The following ITIH5 variants were observed in gnomAD, a reference collection of about 807,000 sequenced individuals.
ITIH5 encodes the protein inter-alpha-trypsin inhibitor heavy chain 5.
In ITIH5, 65 loss-of-function variants were observed where a neutral mutation model predicts 77.5. The observed-to-expected ratio is 0.84, with a 90% CI of 0.69 to 1.03. ITIH5 has a LOEUF of 1.03. Ranked by LOEUF, ITIH5 falls within the 50% of genes least tolerant of loss-of-function variation. The pLI is 0.00. For missense variants in ITIH5, 1,208 were observed against 1,213.1 expected, an observed-to-expected ratio of 1.00 and a Z score of 0.06; for synonymous variants, 525 against 494.3, an observed-to-expected ratio of 1.06 and a Z score of -0.82.
chr10:7,581,122 T>G (rs987975937), intron 8 of ITIH5, among the ~76,000 whole-genome samples: 12 of 152,092 alleles, frequency 7.9e-5, no homozygotes. Flanking sequence ...TAGCCGGGCA[T>G]GGTGGTACAT....
chr10:7,607,932 G>T (rs10795559), intron 7 of ITIH5, among the ~76,000 whole-genome samples: 147,399 of 152,352 alleles, frequency 0.97, 71,436 homozygotes, highest in Middle Eastern at 1. Context: ...AGACTCTTCT[G>T]ATATTTCCTT....
At chr10:7,625,773 A>AAAAG (rs199961590) in intron 5 of ITIH5, among the ~76,000 whole-genome samples, 1,703 of 149,774 alleles carry the variant, frequency 0.011, 16 homozygotes, top group Middle Eastern at 0.049. Context: ...TCAAAAAAAA[A>AAAAG]AAAGAAAGAA....
At chr10:7,602,094 T>C (rs1833027416) in intron 7 of ITIH5, among the ~76,000 whole-genome samples, 1 of 152,122 alleles carries the variant, frequency 6.6e-6, no homozygotes. Flanking sequence ...CCTCAGGTGA[T>C]CCGCCTGCCT....
chr10:7,624,835 A>ATGTATATACAAATATATATG (rs1833541481), intron 5 of ITIH5, among the ~76,000 whole-genome samples: 2 of 129,564 alleles, frequency 1.5e-5, no homozygotes, highest in Non-Finnish European at 3.3e-5. Context: ...GTGTATATAC[A>ATGTATATACAAATATATATG]TGTATATACA....
intron 8 of ITIH5, among the ~76,000 whole-genome samples, chr10:7,582,668 A>G (rs1832589822): frequency 6.6e-6 from 1 of 152,240 alleles, no homozygotes; most frequent in South Asian, 2.1e-4. Context: ...AAAAAGAATG[A>G]GATCTTGTCA....
chr10:7,646,439 C>T (rs1197016179), intron 2 of ITIH5, among the ~76,000 whole-genome samples: 1 of 152,192 alleles, frequency 6.6e-6, no homozygotes, highest in Admixed American at 6.5e-5. Context: ...ATATACTGTA[C>T]TAATTTGCTT....
chr10:7,595,103 C>T (rs1479023377), intron 7 of ITIH5, among the ~76,000 whole-genome samples: 2 of 152,130 alleles, frequency 1.3e-5, no homozygotes, highest in African/African-American at 2.4e-5. Flanking sequence ...GCTGTGGTCC[C>T]AGCTATTCAG....
At chr10:7,602,219 A>C (rs1345486752) in intron 7 of ITIH5, among the ~76,000 whole-genome samples, 2 of 152,040 alleles carry the variant, frequency 1.3e-5, no homozygotes, top group Non-Finnish European at 2.9e-5. Context: ...AGTTTTATCC[A>C]TTCTTCAACT....
chr10:7,628,727 CCATGTTGCAG>C, intron 5 of ITIH5, among the ~76,000 whole-genome samples: 1 of 119,478 alleles, frequency 8.4e-6, no homozygotes, highest in Non-Finnish European at 1.7e-5. Context: ...TAGCGTGTGT[CCATGTTGCAG>C]CGTGTGTCCA....
intron 5 of ITIH5, 90 bp from the exon 6 acceptor site, chr10:7,617,372 T>C: frequency 1.2e-6 from 1 of 802,076 alleles, no homozygotes; most frequent in Non-Finnish European, 1.8e-6. Context: ...GAGTTTTAGA[T>C]TTCATTTTAT....
chr10:7,594,009 G>A (rs183054845), intron 7 of ITIH5, among the ~76,000 whole-genome samples: 2 of 152,348 alleles, frequency 1.3e-5, no homozygotes, highest in Admixed American at 6.5e-5. Context: ...GTGAGGGGCT[G>A]GAGCTGATCT....
At chr10:7,567,972 G>A (rs1376008866) in intron 12 of ITIH5, among the ~76,000 whole-genome samples, 1 of 152,242 alleles carries the variant, frequency 6.6e-6, no homozygotes, top group East Asian at 1.9e-4. Context: ...AAGGTAGCAT[G>A]TGTGTAAGTT....
intron 7 of ITIH5, among the ~76,000 whole-genome samples, chr10:7,594,452 A>C (rs897601370): frequency 2.6e-5 from 4 of 152,134 alleles, no homozygotes; most frequent in African/African-American, 9.7e-5. Context: ...CCCCCAAAAC[A>C]TACATGTTGG....
intron 10 of ITIH5, 23 bp from the exon 11 acceptor site, chr10:7,573,218 C>T: frequency 6.3e-7 from 1 of 1,597,754 alleles, no homozygotes; most frequent in Non-Finnish European, 8.6e-7. Flanking sequence ...AGGAAGAGAA[C>T]ATCATGGTCA....
intron 4 of ITIH5, among the ~76,000 whole-genome samples, chr10:7,640,387 G>A (rs1833865395): frequency 6.6e-6 from 1 of 151,742 alleles, no homozygotes; most frequent in Middle Eastern, 3.4e-3. Flanking sequence ...TGAGGTGGAA[G>A]GATCACTTGA....
At chr10:7,573,289 G>A (rs1441296369) in intron 10 of ITIH5, 94 bp from the exon 11 acceptor site, 1 of 991,278 alleles carries the variant, frequency 1.0e-6, no homozygotes, top group Non-Finnish European at 1.6e-6. Flanking sequence ...GCAAAACACA[G>A]CTTTTAGGTA....
At chr10:7,603,249 T>C (rs1440703822) in intron 7 of ITIH5, among the ~76,000 whole-genome samples, 1 of 152,194 alleles carries the variant, frequency 6.6e-6, no homozygotes, top group African/African-American at 2.4e-5. Context: ...CACTACGACA[T>C]GGCTGAACCT....
chr10:7,574,322 A>T (rs1348731521), intron 10 of ITIH5, among the ~76,000 whole-genome samples: 1 of 152,194 alleles, frequency 6.6e-6, no homozygotes, highest in African/African-American at 2.4e-5. Flanking sequence ...TCCCTTCTCA[A>T]TACTGGTCTT....
intron 2 of ITIH5, among the ~76,000 whole-genome samples, chr10:7,647,587 C>CA (rs1169971078): frequency 8.7e-6 from 1 of 115,404 alleles, no homozygotes; most frequent in Non-Finnish European, 2.0e-5. Context: ...AAAACGTGAA[C>CA]ACCTGTCTAG....
Sources: gnomAD v4.1 joint callset for allele counts (sites outside exome capture counted in the v4.1 genomes callset) on GRCh38, gnomAD v4.1.1 for gene constraint, MANE v1.5 for transcripts, NCBI Gene and HGNC (gene_info 2026-07-23, HGNC 2026-07-21) for gene names.